Variants in PLCB1 observed in about 807,000 individuals in gnomAD.
The protein encoded by PLCB1 is phospholipase C beta 1.
PLCB1 carries 46 observed loss-of-function variants against 161.8 expected under a neutral mutation model. That is an observed-to-expected ratio of 0.28 (90% CI 0.22 to 0.36). PLCB1 has a LOEUF of 0.36. PLCB1 is among the 10% of genes least tolerant of loss of function. PLCB1 has a pLI of 1.00. For missense variants in PLCB1, 1,016 were observed against 1,472.5 expected, an observed-to-expected ratio of 0.69 and a Z score of 5.07; for synonymous variants, 517 against 503.7, an observed-to-expected ratio of 1.03 and a Z score of -0.35.
intron 3 of PLCB1, among the ~76,000 whole-genome samples, chr20:8,405,130 T>C (rs532342205): frequency 6.6e-6 from 1 of 152,268 alleles, no homozygotes; most frequent in East Asian, 1.9e-4. Context: ...TTATTGCTAA[T>C]GAGTTTGCAG....
At chr20:8,222,426 CTGT>C (rs533584976) in intron 2 of PLCB1, among the ~76,000 whole-genome samples, 50 of 152,102 alleles carry the variant, frequency 3.3e-4, no homozygotes, top group African/African-American at 9.6e-4. Flanking sequence ...CTTATTGTGC[CTGT>C]TGTTATTAAT....
chr20:8,751,119 T>C (rs1981453748), intron 23 of PLCB1: 1 of 252,200 alleles, frequency 4.0e-6, no homozygotes, highest in African/African-American at 2.4e-5. Context: ...TTTTTTTTTG[T>C]AGTTTTAGTA....
chr20:8,259,817 A>G (rs1312636194), intron 2 of PLCB1, among the ~76,000 whole-genome samples: 4 of 152,132 alleles, frequency 2.6e-5, no homozygotes, highest in African/African-American at 7.2e-5. Context: ...CCTCTAATAA[A>G]TCATTTGAAA....
In PLCB1 at chr20:8,579,914, C is replaced by A. The variant is rs541083653; in HGVS notation, c.247-48380C>A. On this transcript the variant is annotated intron_variant, in intron 3 of 31. Transcript: ENST00000338037. Reference sequence around the variant, plus strand: ...TCTTTTATTGTTGTTTCCACAGGAACAAATAGGCAAGGTAATGTAAGGCAG... The same window carrying A: ...TCTTTTATTGTTGTTTCCACAGGAAAAAATAGGCAAGGTAATGTAAGGCAG... 3.9e-5 allele frequency among the ~76,000 whole-genome samples: 6 copies of A among 152,220 alleles called. No individual in the cohort carries two copies. The South Asian group carries it at 1.2e-3, about 32-fold the overall frequency.
At chr20:8,695,007 T>C (rs1175471566) in intron 10 of PLCB1, among the ~76,000 whole-genome samples, 2 of 152,210 alleles carry the variant, frequency 1.3e-5, no homozygotes, top group African/African-American at 2.4e-5. Context: ...AAGACCTTTG[T>C]AAATCTTTGC....
At chr20:8,523,689 A>T (rs916002168) in intron 3 of PLCB1, among the ~76,000 whole-genome samples, 1 of 151,268 alleles carries the variant, frequency 6.6e-6, no homozygotes, top group Non-Finnish European at 1.5e-5. Flanking sequence ...GGGTTACTGA[A>T]CAACACTTTT....
chr20:8,242,589 G>C (rs910465665), intron 2 of PLCB1, among the ~76,000 whole-genome samples: 1 of 151,942 alleles, frequency 6.6e-6, no homozygotes, highest in Non-Finnish European at 1.5e-5. Flanking sequence ...GAGGCTGAGC[G>C]CCAGAGGTGA....
intron 4 of PLCB1, among the ~76,000 whole-genome samples, chr20:8,636,279 A>T (rs1250486168): frequency 6.0e-3 from 2 of 336 alleles, no homozygotes; most frequent in East Asian, 0.071. Flanking sequence ...TATTATATTA[A>T]AAAAAAATGC....
chr20:8,178,934 T>C (rs1285797636), intron 2 of PLCB1, among the ~76,000 whole-genome samples: 1 of 152,154 alleles, frequency 6.6e-6, no homozygotes, highest in Non-Finnish European at 1.5e-5. Flanking sequence ...TCGAAGGTCA[T>C]ATGGTAGTAG....
chr20:8,649,201 T>G (rs1434447695), intron 6 of PLCB1, among the ~76,000 whole-genome samples, 173 bp from the exon 7 acceptor site: 4 of 152,194 alleles, frequency 2.6e-5, no homozygotes, highest in Non-Finnish European at 5.9e-5. Flanking sequence ...AGCACGCAGT[T>G]GATCTTTCAG....
intron 3 of PLCB1, among the ~76,000 whole-genome samples, chr20:8,383,713 C>T (rs1435292283): frequency 6.6e-6 from 1 of 152,188 alleles, no homozygotes; most frequent in Non-Finnish European, 1.5e-5. Context: ...TCTTGCAAGT[C>T]AAGCCTGGAC....
intron 2 of PLCB1, among the ~76,000 whole-genome samples, chr20:8,251,537 G>C (rs1250388564): frequency 6.6e-6 from 1 of 151,906 alleles, no homozygotes; most frequent in Non-Finnish European, 1.5e-5. Flanking sequence ...TGAGTTGTTG[G>C]AGAATGAAGT....
chr20:8,714,935 T>C (rs1223110933), intron 12 of PLCB1, among the ~76,000 whole-genome samples: 1 of 149,506 alleles, frequency 6.7e-6, no homozygotes, highest in Non-Finnish European at 1.5e-5. Flanking sequence ...ACCAACCCCC[T>C]AACCCCAGTA....
At chr20:8,651,535 T>A (rs1600227002) in intron 7 of PLCB1, 1 of 716,258 alleles carries the variant, frequency 1.4e-6, no homozygotes, top group Non-Finnish European at 2.6e-6. Flanking sequence ...ATTGCTTTTT[T>A]GTTAGATGCT....
chr20:8,763,930 C>T (rs1408566836), intron 25 of PLCB1, among the ~76,000 whole-genome samples: 3 of 151,602 alleles, frequency 2.0e-5, no homozygotes, highest in South Asian at 2.1e-4. Context: ...TTTGGGAAGC[C>T]GAGGAGGGCA....
intron 3 of PLCB1, among the ~76,000 whole-genome samples, chr20:8,400,810 T>C (rs911372194): frequency 6.6e-6 from 1 of 152,194 alleles, no homozygotes; most frequent in East Asian, 1.9e-4. Flanking sequence ...TTCCGGTTTT[T>C]TGCTGCCTCA....
intron 19 of PLCB1, among the ~76,000 whole-genome samples, chr20:8,734,443 T>C (rs561637552): frequency 2.6e-5 from 4 of 151,952 alleles, no homozygotes; most frequent in Non-Finnish European, 5.9e-5. Context: ...CTTTAAATGG[T>C]TTTTGAAAAT....
intron 31 of PLCB1, among the ~76,000 whole-genome samples, chr20:8,864,752 T>C (rs1987369593): frequency 1.3e-5 from 2 of 152,162 alleles, no homozygotes; most frequent in African/African-American, 4.8e-5. Context: ...AACTAGAACC[T>C]AGAAGATTTT....
intron 2 of PLCB1, among the ~76,000 whole-genome samples, chr20:8,347,131 A>T (rs944186959): frequency 6.6e-6 from 1 of 152,240 alleles, no homozygotes; most frequent in South Asian, 2.1e-4. Flanking sequence ...TCCTGTATAA[A>T]GCTATAAACA....
Sources: gnomAD v4.1 joint callset for allele counts (sites outside exome capture counted in the v4.1 genomes callset) on GRCh38, gnomAD v4.1.1 for gene constraint, MANE v1.5 for transcripts, NCBI Gene and HGNC (gene_info 2026-07-23, HGNC 2026-07-21) for gene names.